The following BRINP2 variants were observed in gnomAD, a reference collection of about 807,000 sequenced individuals.
The protein encoded by BRINP2 is BMP/retinoic acid inducible neural specific 2, also known as BMP/retinoic acid-inducible neural-specific protein 2.
A neutral mutation model predicts 69.2 loss-of-function variants in BRINP2; 21 were observed. The observed-to-expected ratio is 0.30, with a 90% CI of 0.22 to 0.44. The LOEUF (loss-of-function observed/expected upper bound fraction) is 0.44. BRINP2 is among the 20% of genes least tolerant of loss of function. BRINP2 has a pLI of 1.00. For missense variants in BRINP2, 877 were observed against 986.0 expected (o/e 0.89, Z 1.48); for synonymous variants, 380 against 394.1 (o/e 0.96, Z 0.42).
At chr1:177,256,240 C>A (rs1650752496) in intron 3 of BRINP2, 131 bp downstream of exon 3, 2 of 1,413,296 alleles carry the variant, frequency 1.4e-6, no homozygotes, top group Non-Finnish European at 9.4e-7. Flanking sequence ...CTTTCTGGTG[C>A]ATTTGAAAAC....
intron 1 of BRINP2, among the ~76,000 whole-genome samples, chr1:177,177,007 T>C (rs1648107756): frequency 6.6e-6 from 1 of 152,198 alleles, no homozygotes; most frequent in Non-Finnish European, 1.5e-5. Context: ...TCCTCCTTTC[T>C]TTTTATCTCT....
intron 1 of BRINP2, among the ~76,000 whole-genome samples, chr1:177,204,348 A>G (rs150522442): frequency 3.5e-4 from 53 of 152,222 alleles, no homozygotes; most frequent in African/African-American, 1.2e-3. Flanking sequence ...TTGTGAAGCC[A>G]TGGATGGAGG....
chr1:177,242,166 G>C, intron 2 of BRINP2, among the ~76,000 whole-genome samples: 1 of 152,142 alleles, frequency 6.6e-6, no homozygotes. Context: ...TCGCAGAACT[G>C]TCTTTCAAAT....
intron 1 of BRINP2, among the ~76,000 whole-genome samples, chr1:177,216,053 A>G (rs1485515199): frequency 6.6e-6 from 1 of 151,840 alleles, no homozygotes; most frequent in African/African-American, 2.4e-5. Flanking sequence ...TGGACCTTGG[A>G]TTTTTATCTA....
rs572354459 is a variant in BRINP2 at position 177,203,572 on chromosome 1, T to A, written c.-76-26229T>A. Among the ~76,000 whole-genome samples the A allele has an allele frequency of 1.2e-3, 182 of 150,760 alleles. 1 individual carries two copies. Among genetic ancestry groups the A allele is most frequent in the South Asian group, 6.8e-3 (32 of 4,720 alleles). ...AAATAAAGGAATGAAAATAAAAATT[T>A]AAAAAAAAAGACCCACTGGGATAAG... On this transcript the variant is annotated intron_variant, in intron 1 of 7. Transcript: ENST00000361539.
At chr1:177,182,228 T>G (rs1558150552) in intron 1 of BRINP2, among the ~76,000 whole-genome samples, 1 of 149,848 alleles carries the variant, frequency 6.7e-6, no homozygotes, top group Admixed American at 6.7e-5. Flanking sequence ...CTTTGGCAAC[T>G]CCCCACCACC....
intron 1 of BRINP2, among the ~76,000 whole-genome samples, chr1:177,213,755 C>T (rs1433964060): frequency 1.3e-5 from 2 of 152,136 alleles, no homozygotes; most frequent in Non-Finnish European, 2.9e-5. Context: ...AGGATTTTCA[C>T]ACAGCTTTCT....
At chr1:177,256,573 T>C in intron 3 of BRINP2, 1 of 985,402 alleles carries the variant, frequency 1.0e-6, no homozygotes, top group Non-Finnish European at 1.2e-6. Flanking sequence ...ATCATCCTCT[T>C]GTGGGGCGGA....
At chr1:177,226,018 C>A (rs1649680062) in intron 1 of BRINP2, among the ~76,000 whole-genome samples, 1 of 152,354 alleles carries the variant, frequency 6.6e-6, no homozygotes, top group Non-Finnish European at 1.5e-5. Flanking sequence ...GGTTCTAGCA[C>A]ATTGTGAGTT....
At chr1:177,263,541 T>G (rs557789862) in intron 4 of BRINP2, among the ~76,000 whole-genome samples, 1 of 152,132 alleles carries the variant, frequency 6.6e-6, no homozygotes, top group African/African-American at 2.4e-5. Context: ...GGGGAAACCA[T>G]GTCCTCAGGG....
chr1:177,187,660 T>C lies in BRINP2; in HGVS notation c.-77+15928T>C, dbSNP rs546641183. On this transcript the variant is annotated intron_variant, in intron 1 of 7. Coordinates refer to ENST00000361539, the MANE Select transcript of BRINP2 (RefSeq NM_021165.4). ...TGAAGGCCGCTCAACCACTCATGTA[T>C]GTCGGTATGTCGACTTCCGCTCTTG... Among the ~76,000 whole-genome samples the C allele has an allele frequency of 1.1e-4, 16 of 152,310 alleles. No individual in the cohort carries two copies. In the South Asian group the frequency reaches 3.3e-3, roughly 32 times the overall value.
At chr1:177,192,517 A>G (rs1170962329) in intron 1 of BRINP2, among the ~76,000 whole-genome samples, 1 of 152,142 alleles carries the variant, frequency 6.6e-6, no homozygotes, top group Non-Finnish European at 1.5e-5. Flanking sequence ...TCCCCTTACT[A>G]CTGCCTGGAT....
At chr1:177,189,007 CG>C (rs1420409747) in intron 1 of BRINP2, among the ~76,000 whole-genome samples, 5 of 152,236 alleles carry the variant, frequency 3.3e-5, no homozygotes, top group African/African-American at 1.2e-4. Context: ...GTAGAGAAAT[CG>C]GTAGCTCAAG....
intron 2 of BRINP2, among the ~76,000 whole-genome samples, chr1:177,251,766 T>C (rs1650590360): frequency 6.6e-6 from 1 of 152,276 alleles, no homozygotes; most frequent in Admixed American, 6.5e-5. Context: ...GACAACAGAC[T>C]ACCAATTTTT....
intron 1 of BRINP2, among the ~76,000 whole-genome samples, chr1:177,180,231 C>G (rs1359401097): frequency 1.3e-5 from 2 of 152,166 alleles, no homozygotes; most frequent in Non-Finnish European, 2.9e-5. Flanking sequence ...GAGGAGCAAC[C>G]AACATTCAGA....
At chr1:177,239,620 A>G (rs1305441490) in intron 2 of BRINP2, among the ~76,000 whole-genome samples, 1 of 152,210 alleles carries the variant, frequency 6.6e-6, no homozygotes, top group African/African-American at 2.4e-5. Context: ...TTGGTGTTGC[A>G]TGCAATCTCT....
chr1:177,213,258 T>C (rs1649280336), intron 1 of BRINP2, among the ~76,000 whole-genome samples: 1 of 152,148 alleles, frequency 6.6e-6, no homozygotes, highest in South Asian at 2.1e-4. Context: ...ACATTTGGGG[T>C]CACGGAATTA....
intron 1 of BRINP2, among the ~76,000 whole-genome samples, chr1:177,175,641 C>G (rs1648067821): frequency 6.6e-6 from 1 of 152,206 alleles, no homozygotes; most frequent in Admixed American, 6.5e-5. Flanking sequence ...AGTGGAATGG[C>G]TTACCTAAAG....
At chr1:177,271,763 C>T (rs768602031) in intron 4 of BRINP2, among the ~76,000 whole-genome samples, 14 of 152,168 alleles carry the variant, frequency 9.2e-5, no homozygotes, top group Non-Finnish European at 1.9e-4. Flanking sequence ...TGGGGTAGCA[C>T]AAAAGAAATA....
Sources: gnomAD v4.1 joint callset for allele counts (sites outside exome capture counted in the v4.1 genomes callset) on GRCh38, gnomAD v4.1.1 for gene constraint, MANE v1.5 for transcripts, NCBI Gene and HGNC (gene_info 2026-07-23, HGNC 2026-07-21) for gene names.